Variants in DAB1 observed in about 807,000 individuals in gnomAD.
DAB1 encodes disabled homolog 1.
In DAB1, 15 loss-of-function variants were observed where a neutral mutation model predicts 64.6. That is an observed-to-expected ratio of 0.23 (90% CI 0.16 to 0.36). DAB1 has a LOEUF of 0.36. Among genes scored for constraint, DAB1 ranks in the 10% least tolerant of loss-of-function variants. The pLI is 1.00. For missense variants in DAB1, 596 were observed against 706.7 expected (o/e 0.84, Z 1.78); for synonymous variants, 235 against 251.9 (o/e 0.93, Z 0.64).
chr1:57,840,345 C>G (rs933031249), intron 1 of DAB1, among the ~76,000 whole-genome samples: 6 of 152,058 alleles, frequency 3.9e-5, no homozygotes, highest in African/African-American at 1.4e-4. Flanking sequence ...TATGGGGAGT[C>G]ATGGAGATGG....
chr1:58,416,495 T>A (rs1393614612), intron 3 of DAB1, among the ~76,000 whole-genome samples: 1 of 152,154 alleles, frequency 6.6e-6, no homozygotes, highest in Admixed American at 6.6e-5. Context: ...TGCTGTCCAA[T>A]ACAGTAGCCA....
At chr1:57,486,773 T>C (rs1160708586) in intron 7 of DAB1, among the ~76,000 whole-genome samples, 3 of 152,010 alleles carry the variant, frequency 2.0e-5, no homozygotes, top group East Asian at 1.9e-4. Flanking sequence ...CCACTCCTCA[T>C]AGGTTTGGGA....
intron 7 of DAB1, among the ~76,000 whole-genome samples, chr1:57,549,481 G>C (rs1415283103): frequency 6.6e-6 from 1 of 152,180 alleles, no homozygotes; most frequent in African/African-American, 2.4e-5. Context: ...CAAACATGAT[G>C]ACATCATTCA....
intron 7 of DAB1, among the ~76,000 whole-genome samples, chr1:57,598,785 G>A (rs1302809711): frequency 6.6e-6 from 1 of 152,132 alleles, no homozygotes; most frequent in Non-Finnish European, 1.5e-5. Flanking sequence ...TCAAGATCGA[G>A]TGGCCAGTTG....
chr1:57,368,364 G>A (rs537381349), intron 1 of DAB1, among the ~76,000 whole-genome samples: 6 of 152,280 alleles, frequency 3.9e-5, no homozygotes, highest in South Asian at 2.1e-4. Flanking sequence ...GGATGGGGGC[G>A]GGGCTGCCAG....
intron 4 of DAB1, among the ~76,000 whole-genome samples, chr1:58,319,101 A>G (rs1462766446): frequency 1.3e-5 from 2 of 152,046 alleles, no homozygotes; most frequent in African/African-American, 2.4e-5. Flanking sequence ...ATTACCTGTG[A>G]ACTATAGTGG....
At chr1:58,155,371 G>T (rs545097698) in intron 4 of DAB1, among the ~76,000 whole-genome samples, 79 of 152,306 alleles carry the variant, frequency 5.2e-4, no homozygotes, top group Middle Eastern at 6.8e-3. Context: ...AGGACAGGGT[G>T]CTGCTGAACA....
chr1:57,705,874 G>GT (rs11375591), intron 6 of DAB1, among the ~76,000 whole-genome samples: 95,161 of 144,658 alleles, frequency 0.66, 30,974 homozygotes, highest in African/African-American at 0.71. Flanking sequence ...CAATACTAGG[G>GT]TTTTTTTTTT....
At chr1:58,090,226 AT>A (rs1425254842) in intron 5 of DAB1, among the ~76,000 whole-genome samples, 1 of 152,096 alleles carries the variant, frequency 6.6e-6, no homozygotes, top group East Asian at 1.9e-4. Flanking sequence ...GAAAAAATCC[AT>A]TTAAACAAAC....
intron 1 of DAB1, among the ~76,000 whole-genome samples, chr1:57,366,372 T>C (rs1679995248): frequency 6.6e-6 from 1 of 152,210 alleles, no homozygotes; most frequent in Non-Finnish European, 1.5e-5. Context: ...AAGAAAGTAA[T>C]AGCTAGATGC....
intron 3 of DAB1, among the ~76,000 whole-genome samples, chr1:58,455,967 G>A (rs1645189726): frequency 6.6e-6 from 1 of 152,220 alleles, no homozygotes; most frequent in Non-Finnish European, 1.5e-5. Flanking sequence ...GCAGGGCCCT[G>A]GCTCTACCTC....
chr1:57,562,055 C>A (rs1373103227), intron 7 of DAB1, among the ~76,000 whole-genome samples: 1 of 152,198 alleles, frequency 6.6e-6, no homozygotes, highest in African/African-American at 2.4e-5. Flanking sequence ...CTGTCTCTGA[C>A]CAAGGCACTC....
chr1:57,121,256 A>G (rs1190627804), intron 4 of DAB1, among the ~76,000 whole-genome samples: 2 of 151,532 alleles, frequency 1.3e-5, no homozygotes, highest in Non-Finnish European at 2.9e-5. Flanking sequence ...GAAGAGGAGG[A>G]AGCATACTTG....
At chr1:57,885,360 T>C (rs1644206282), upstream of DAB1, among the ~76,000 whole-genome samples, 1 of 152,198 alleles carries the variant, frequency 6.6e-6, no homozygotes, top group African/African-American at 2.4e-5. Flanking sequence ...GCCAGGATTC[T>C]AGCCCCGGCA....
chr1:57,021,458 C>A (rs907223190), intron 11 of DAB1, among the ~76,000 whole-genome samples: 1 of 152,180 alleles, frequency 6.6e-6, no homozygotes, highest in Non-Finnish European at 1.5e-5. Flanking sequence ...TTTCCCCACA[C>A]CGTTCTCATG....
At chr1:57,836,180 C>T (rs1471356480) in intron 1 of DAB1, among the ~76,000 whole-genome samples, 1 of 152,178 alleles carries the variant, frequency 6.6e-6, no homozygotes, top group Non-Finnish European at 1.5e-5. Flanking sequence ...ATCATTACAA[C>T]AACTCTGTGA....
At chr1:57,465,479 C>T (rs1002541310) in intron 7 of DAB1, among the ~76,000 whole-genome samples, 3 of 152,192 alleles carry the variant, frequency 2.0e-5, no homozygotes, top group Non-Finnish European at 4.4e-5. Context: ...GTGAGTGAAG[C>T]TAATGCAGCC....
intron 1 of DAB1, among the ~76,000 whole-genome samples, chr1:57,309,168 A>G (rs1031569438): frequency 6.6e-6 from 1 of 152,186 alleles, no homozygotes; most frequent in Non-Finnish European, 1.5e-5. Context: ...CCCCTGGCCT[A>G]GAGTCTTTAC....
At chr1:58,110,333 C>A (rs902779990) in intron 5 of DAB1, among the ~76,000 whole-genome samples, 4 of 152,074 alleles carry the variant, frequency 2.6e-5, no homozygotes, top group East Asian at 3.9e-4. Context: ...AGTGTCTTCA[C>A]CAATAATAAG....
Sources: gnomAD v4.1 joint callset for allele counts (sites outside exome capture counted in the v4.1 genomes callset) on GRCh38, gnomAD v4.1.1 for gene constraint, MANE v1.5 for transcripts, NCBI Gene and HGNC (gene_info 2026-07-23, HGNC 2026-07-21) for gene names.